The following C4orf51 variants were observed in gnomAD, a reference collection of about 807,000 sequenced individuals.
C4orf51 encodes the protein chromosome 4 open reading frame 51, also known as uncharacterized protein C4orf51.
C4orf51 carries 25 observed loss-of-function variants against 25.2 expected under a neutral mutation model. The ratio of observed to expected loss-of-function variants is 0.99; its 90% CI spans 0.72 to 1.39. C4orf51 has a LOEUF of 1.39. Ranked by LOEUF, C4orf51 falls within the 40% of genes most tolerant of loss-of-function variation. C4orf51 has a pLI of 0.00. For synonymous variants in C4orf51, 100 were observed against 84.5 expected, an observed-to-expected ratio of 1.18 and a Z score of -1.01; for missense variants, 252 against 239.6, an observed-to-expected ratio of 1.05 and a Z score of -0.34.
intron 2 of C4orf51, among the ~76,000 whole-genome samples, chr4:145,703,437 A>G (rs555832743): frequency 6.6e-6 from 1 of 152,260 alleles, no homozygotes; most frequent in South Asian, 2.1e-4. Context: ...ACCTGTACCC[A>G]GGTGATTAAA....
intron 2 of C4orf51, among the ~76,000 whole-genome samples, chr4:145,701,302 A>G (rs140671360): frequency 0.032 from 4,848 of 152,206 alleles, 111 homozygotes; most frequent in Middle Eastern, 0.075. Flanking sequence ...CCAGCACACA[A>G]GAACTTCCAA....
chr4:145,683,603 C>T (rs1053196988), intron 1 of C4orf51, among the ~76,000 whole-genome samples: 7 of 152,066 alleles, frequency 4.6e-5, no homozygotes, highest in Admixed American at 1.3e-4. Context: ...TAAATATAGT[C>T]GACTGGTCTT....
chr4:145,708,089 G>T (rs568656673), intron 2 of C4orf51, among the ~76,000 whole-genome samples: 6 of 152,356 alleles, frequency 3.9e-5, no homozygotes, highest in Admixed American at 1.3e-4. Context: ...ACCAATGGTA[G>T]TTACCTGGAG....
rs1028573785 is a variant in C4orf51, at chr4:145,762,397, C to T, written n.167-8591C>T. 1.3e-5 allele frequency among the ~76,000 whole-genome samples: 2 copies of T among 152,088 alleles called. No individual in the cohort carries two copies. The highest frequency in any genetic ancestry group is 4.8e-5 in the African/African-American group (2 of 41,402). ...AGACATTATTAATACATGATTATGC[C>T]GGAGATAGGATAATAATCCAACTGG... On this transcript the variant is annotated intron_variant and non_coding_transcript_variant, in intron 1 of 1. Transcript: ENST00000510096. The surrounding 1 kb of genome is among the most constrained non-coding windows in gnomAD (Gnocchi z 4.9).
At chr4:145,738,459 C>CATATATATAT (rs58754234) in intron 1 of C4orf51, among the ~76,000 whole-genome samples, 23 of 146,728 alleles carry the variant, frequency 1.6e-4, no homozygotes, top group Non-Finnish European at 2.5e-4. Context: ...CGAAAAAAAA[C>CATATATATAT]ATATATATAT....
intron 1 of C4orf51, among the ~76,000 whole-genome samples, chr4:145,686,677 A>G (rs1729175690): frequency 6.6e-6 from 1 of 152,232 alleles, no homozygotes; most frequent in African/African-American, 2.4e-5. Flanking sequence ...TGAGGTTTGC[A>G]CATTGTAACT....
rs1165838463 is a variant in C4orf51 at position 145,732,717 on chromosome 4, T to G, written c.*157T>G. On this transcript the variant is annotated 3_prime_UTR_variant, in exon 6 of 6. Transcript: ENST00000438731. ...TCTGGGACAATTCCATGGGCTTCAT[T>G]TATCAGTTTTTTCCCTTTTTAATTG... 5 of 495,772 alleles carry G rather than the reference T, an allele frequency of 1.0e-5. 1 individual carries two copies. Among genetic ancestry groups the G allele is most frequent in the Non-Finnish European group, 1.8e-5 (5 of 279,110 alleles). 30.7% of individuals were successfully genotyped at this position (495,772 alleles called of 1,614,324 possible). A position where few individuals can be genotyped will look rare whatever the true frequency, so the allele number is the denominator to read the frequency against.
At chr4:145,787,363 T>A in the C4orf51 span, among the ~76,000 whole-genome samples, 1 of 148,534 alleles carries the variant, frequency 6.7e-6, no homozygotes, top group Non-Finnish European at 1.5e-5. Context: ...CTCAGGAGGC[T>A]GAGGCAGGAG....
the C4orf51 span, among the ~76,000 whole-genome samples, chr4:145,786,483 T>C: frequency 6.6e-6 from 1 of 152,226 alleles, no homozygotes; most frequent in South Asian, 2.1e-4. Context: ...CATTGTGACA[T>C]ATGGTATTTT....
Position 145,693,960 on chromosome 4 carries a change from G to GGGC in C4orf51, c.234-2596_234-2594dup, listed in dbSNP as rs566790465. Among the ~76,000 whole-genome samples, 3 of 134,598 alleles carry GGGC rather than the reference G, an allele frequency of 2.2e-5. No homozygotes were observed. The East Asian group carries it at 7.0e-4, about 31-fold the overall frequency. The allele number at this position is 134,598 out of a possible 152,430, so 88.3% of individuals were successfully genotyped here. A position where few individuals can be genotyped will look rare whatever the true frequency, so the allele number is the denominator to read the frequency against. On this transcript the variant is annotated intron_variant, in intron 1 of 5. Transcript: ENST00000438731. ...TCACTTCCCAGATGGGGTGGCTGCC[G>GGGC]GGCGGAGAGGCTCCTCACCTCTCAG...
At chr4:145,775,427 CTT>C (rs879787507), downstream of C4orf51, among the ~76,000 whole-genome samples, 1 of 145,696 alleles carries the variant, frequency 6.9e-6, no homozygotes, top group African/African-American at 2.5e-5. Context: ...ATTTCCTCAG[CTT>C]TTTTTTTTTT....
At chr4:145,703,471 T>C (rs1216036873) in intron 2 of C4orf51, among the ~76,000 whole-genome samples, 1 of 152,170 alleles carries the variant, frequency 6.6e-6, no homozygotes, top group Admixed American at 6.5e-5. Flanking sequence ...ACACAAAACC[T>C]GTTTGGTGGT....
At chr4:145,779,449 G>A in the C4orf51 span, 1 of 1,614,246 alleles carries the variant, frequency 6.2e-7, no homozygotes, top group African/African-American at 1.3e-5. Context: ...CAGGGAAAAA[G>A]CTGGTCATTG....
At chr4:145,709,934 G>C (rs913361523) in intron 2 of C4orf51, among the ~76,000 whole-genome samples, 3 of 152,174 alleles carry the variant, frequency 2.0e-5, no homozygotes, top group African/African-American at 7.2e-5. Flanking sequence ...GGGTTGGTTA[G>C]TAAGCAGGAG....
At chr4:145,747,173 A>G (rs1248048366) in intron 1 of C4orf51, among the ~76,000 whole-genome samples, 3 of 152,084 alleles carry the variant, frequency 2.0e-5, no homozygotes, top group South Asian at 2.1e-4. Context: ...TTTCTTTCCA[A>G]TTTGGATGCC....
intron 5 of C4orf51, among the ~76,000 whole-genome samples, chr4:145,730,328 C>G (rs4074113): frequency 0.09 from 13,678 of 152,164 alleles, 687 homozygotes; most frequent in African/African-American, 0.12. Context: ...TGCCGCATAT[C>G]CACCCTGGTT....
chr4:145,746,629 T>C (rs1168445786), intron 1 of C4orf51, among the ~76,000 whole-genome samples: 3 of 152,218 alleles, frequency 2.0e-5, no homozygotes, highest in African/African-American at 7.2e-5. Flanking sequence ...TGTAGTGTAA[T>C]TTGAAGTCAC....
chr4:145,754,103 T>C (rs1179190351), intron 1 of C4orf51: 4 of 152,214 alleles, frequency 2.6e-5, no homozygotes, highest in Admixed American at 2.0e-4. Context: ...AACATTGACC[T>C]GGAGGCTAAA....
intron 2 of C4orf51, among the ~76,000 whole-genome samples, chr4:145,723,416 A>T (rs1452361984): frequency 6.6e-6 from 1 of 152,070 alleles, no homozygotes; most frequent in South Asian, 2.1e-4. Context: ...CCAACATATT[A>T]AAGGAAAACA....
Sources: allele counts gnomAD v4.1 joint callset (sites outside exome capture counted in the v4.1 genomes callset), GRCh38; gene constraint gnomAD v4.1.1; non-coding constraint Gnocchi (gnomAD v3.1); transcripts MANE v1.5; gene names NCBI Gene and HGNC (gene_info 2026-07-23, HGNC 2026-07-21).